SH2D3C: variants seen among roughly 807,000 people sequenced by gnomAD.
SH2D3C encodes the protein SH2 domain-containing protein 3C.
SH2D3C carries 25 observed loss-of-function variants against 75.2 expected under a neutral mutation model. The observed-to-expected ratio is 0.33, with a 90% confidence interval of 0.24 to 0.46. The LOEUF is 0.46. SH2D3C is among the 20% of genes least tolerant of loss of function. The probability of loss-of-function intolerance (pLI) is 1.00; values close to 1 mark genes in which losing one functional copy is unlikely to be tolerated. For missense variants in SH2D3C, 933 were observed against 1,165.3 expected, an observed-to-expected ratio of 0.80 and a Z score of 2.90; for synonymous variants, 450 against 473.7, an observed-to-expected ratio of 0.95 and a Z score of 0.65.
intron 5 of SH2D3C, among the ~76,000 whole-genome samples, chr9:127,748,291 T>A (rs1435274646): frequency 1.3e-5 from 2 of 149,148 alleles, no homozygotes; most frequent in Non-Finnish European, 1.5e-5. Flanking sequence ...CCTGACACCA[T>A]TATGTTTACT....
chr9:127,765,377 T>C (rs1047532739), intron 2 of SH2D3C, among the ~76,000 whole-genome samples: 6 of 152,204 alleles, frequency 3.9e-5, no homozygotes, highest in Non-Finnish European at 4.4e-5. Flanking sequence ...GGACAAGGGT[T>C]TGTGTTTCTG....
At chr9:127,742,100 G>A in intron 8 of SH2D3C, 141 bp from the exon 9 acceptor site, 1 of 760,374 alleles carries the variant, frequency 1.3e-6, no homozygotes, top group Non-Finnish European at 2.0e-6. Flanking sequence ...TGGGATAAGG[G>A]GGCGCGGCCA....
chr9:127,756,854 G>C (rs1038049849), intron 3 of SH2D3C, among the ~76,000 whole-genome samples: 2 of 151,560 alleles, frequency 1.3e-5, no homozygotes, highest in African/African-American at 2.4e-5. Flanking sequence ...CCGTGGTCTC[G>C]ATCTCCTGAC....
chr9:127,773,939 A>T, intron 2 of SH2D3C, 51 bp downstream of exon 2: 3 of 1,109,038 alleles, frequency 2.7e-6, no homozygotes, highest in Non-Finnish European at 4.0e-6. Context: ...AAAGAAAAAG[A>T]AAAAAACAGA....
intron 2 of SH2D3C, among the ~76,000 whole-genome samples, chr9:127,769,960 T>C (rs545460905): frequency 6.6e-6 from 1 of 152,266 alleles, no homozygotes; most frequent in East Asian, 1.9e-4. Context: ...TCATGCCTGG[T>C]GGGACCCTCG....
At position 127,749,742 on chromosome 9, in the gene SH2D3C, C is replaced by T. The variant is rs1845142966; in HGVS notation, c.685-77G>A. The stretch of plus-strand genomic sequence containing the variant: ...ACCCAGGATCTGGGGGACAGAGCAA[C>T]CCAGGATTAGGGGGCACAGCAAGAC... On this transcript the variant is annotated intron_variant, in intron 4 of 11. Transcript: ENST00000314830. The surrounding 1 kb of genome is among the most constrained non-coding windows in gnomAD (Gnocchi z 5.9). The T allele has an allele frequency of 1.1e-6, 1 of 921,776 alleles. No homozygotes were observed. The highest frequency in any genetic ancestry group is 1.7e-6 in the Non-Finnish European group (1 of 595,798). 57.1% of individuals were successfully genotyped at this position (921,776 alleles called of 1,614,324 possible).
intron 6 of SH2D3C, 59 bp from the exon 7 acceptor site, chr9:127,745,158 C>T: frequency 7.2e-7 from 1 of 1,381,736 alleles, no homozygotes; most frequent in South Asian, 1.7e-5. Flanking sequence ...AGTGAGATTC[C>T]CGCACCCCTT....
chr9:127,762,643 A>G (rs1453463273), intron 2 of SH2D3C, among the ~76,000 whole-genome samples: 1 of 152,136 alleles, frequency 6.6e-6, no homozygotes, highest in African/African-American at 2.4e-5. Context: ...CCCCGTCCCC[A>G]AAGTGGGGCC....
chr9:127,765,719 G>C (rs575754313), intron 2 of SH2D3C, among the ~76,000 whole-genome samples: 162 of 152,252 alleles, frequency 1.1e-3, no homozygotes, highest in Non-Finnish European at 1.6e-3. Flanking sequence ...GGGATTTCTA[G>C]AAAACTCTCC....
chr9:127,756,234 G>A (rs1161440785), intron 3 of SH2D3C, among the ~76,000 whole-genome samples: 3 of 152,190 alleles, frequency 2.0e-5, no homozygotes, highest in Non-Finnish European at 4.4e-5. Context: ...CCCAGGAGGC[G>A]GAGGTTGCAG....
In SH2D3C at chr9:127,739,544, G is replaced by A; in HGVS notation, c.2407+138C>T. The A allele has an allele frequency of 1.5e-6, 1 of 658,710 alleles. No individual in the cohort carries two copies. Among genetic ancestry groups the A allele is most frequent in the Non-Finnish European group, 2.5e-6 (1 of 404,704 alleles). 40.8% of individuals were successfully genotyped at this position (658,710 alleles called of 1,614,324 possible). ...AGAAAAAAGAAAAGAAAAGACATGAGAGGAAGGGGTCAGGGAGACAGGGCA... is the reference window on the plus strand; with the variant it reads ...AGAAAAAAGAAAAGAAAAGACATGAAAGGAAGGGGTCAGGGAGACAGGGCA... On this transcript the variant is annotated intron_variant, in intron 11 of 11. Coordinates refer to ENST00000314830, the MANE Select transcript of SH2D3C (RefSeq NM_170600.3). The surrounding 1 kb of genome is among the most constrained non-coding windows in gnomAD (Gnocchi z 4.3).
At chr9:127,756,261 C>T (rs1487609014) in intron 3 of SH2D3C, among the ~76,000 whole-genome samples, 1 of 152,188 alleles carries the variant, frequency 6.6e-6, no homozygotes, top group African/African-American at 2.4e-5. Flanking sequence ...AAGATTGTAC[C>T]ACTGCACTCC....
At position 127,760,583 on chromosome 9, in the gene SH2D3C, C is replaced by A. The variant is rs754552183; in HGVS notation, c.555+1028G>T. On this transcript the variant is annotated intron_variant, in intron 3 of 11. Transcript: ENST00000314830. Reference sequence around the variant, plus strand: ...CATTCTGCACATGAACGTGTTACCCCAGAACTTAAAGTATATAAAAATAAA... The same window carrying A: ...CATTCTGCACATGAACGTGTTACCCAAGAACTTAAAGTATATAAAAATAAA... Among the ~76,000 whole-genome samples, 9 of 151,600 alleles carry A rather than the reference C, an allele frequency of 5.9e-5. No homozygotes were observed. In the South Asian group the frequency reaches 6.2e-4, roughly 10 times the overall value.
intron 3 of SH2D3C, among the ~76,000 whole-genome samples, chr9:127,757,669 T>TATTATTATTA (rs1554798709): frequency 6.8e-6 from 1 of 147,688 alleles, no homozygotes; most frequent in Non-Finnish European, 1.5e-5. Context: ...TTATTATTAT[T>TATTATTATTA]TTGAGATGGA....
chr9:127,767,236 GC>G, intron 2 of SH2D3C: 1 of 1,483,874 alleles, frequency 6.7e-7, no homozygotes, highest in Non-Finnish European at 8.9e-7. Flanking sequence ...AGCTGAGGAT[GC>G]TGGGCCCTGA....
At chr9:127,771,428 C>T (rs1845737934) in intron 2 of SH2D3C, 1 of 1,257,242 alleles carries the variant, frequency 8.0e-7, no homozygotes, top group African/African-American at 1.6e-5. Context: ...GGGAAGGACG[C>T]TCTCCGCCTC....
Position 127,768,205 on chromosome 9 carries a change from G to A in SH2D3C, c.515+5785C>T, listed in dbSNP as rs530339376. Reference sequence around the variant, plus strand: ...GTGGGTAATCGCTACCAGATGCCCAGCAGCTGACGTCACCCTGCAGGGCCG... The same window carrying A: ...GTGGGTAATCGCTACCAGATGCCCAACAGCTGACGTCACCCTGCAGGGCCG... On this transcript the variant is annotated intron_variant, in intron 2 of 11. Transcript: ENST00000314830. 3.5e-4 allele frequency among the ~76,000 whole-genome samples: 53 copies of A among 152,182 alleles called. 1 individual carries two copies. Among genetic ancestry groups the A allele is most frequent in the Non-Finnish European group, 6.9e-4 (47 of 68,026 alleles).
chr9:127,768,660 T>C (rs58025260), intron 2 of SH2D3C, among the ~76,000 whole-genome samples: 5,810 of 152,316 alleles, frequency 0.038, 372 homozygotes, highest in African/African-American at 0.13. Flanking sequence ...TGGGGCCTGC[T>C]GCTGCTCAAG....
chr9:127,757,211 G>A lies in SH2D3C; in HGVS notation c.555+4400C>T, dbSNP rs1351867057. ...GCCCGCATTACACGCATAAGCCACC[G>A]TGCCCAGCCTAGGAGGGGGCTTTTG... On this transcript the variant is annotated intron_variant, in intron 3 of 11. Transcript: ENST00000314830. Among the ~76,000 whole-genome samples the A allele has an allele frequency of 5.3e-5, 8 of 149,846 alleles. No homozygotes were observed. The East Asian group carries it at 5.9e-4, about 11-fold the overall frequency.
Sources: gnomAD v4.1 joint callset for allele counts (sites outside exome capture counted in the v4.1 genomes callset) on GRCh38, gnomAD v4.1.1 for gene constraint, Gnocchi (gnomAD v3.1) non-coding constraint, MANE v1.5 for transcripts, NCBI Gene and HGNC (gene_info 2026-07-23, HGNC 2026-07-21) for gene names.